The following APAF1 variants were observed in gnomAD, a reference collection of about 807,000 sequenced individuals.
APAF1 encodes apoptotic protease-activating factor 1.
A neutral mutation model predicts 152.4 loss-of-function variants in APAF1; 91 were observed. The ratio of observed to expected loss-of-function variants is 0.60; its 90% CI spans 0.50 to 0.71. The LOEUF (loss-of-function observed/expected upper bound fraction) is 0.71, where lower values mean the gene tolerates loss of function less well. Among genes scored for constraint, APAF1 ranks in the 30% least tolerant of loss-of-function variants. APAF1 has a pLI of 0.00. For missense variants in APAF1, 1,283 were observed against 1,472.0 expected (o/e 0.87, Z 2.10); for synonymous variants, 484 against 494.1 (o/e 0.98, Z 0.27).
chr12:98,726,375 G>A (rs1482122187), intron 25 of APAF1: 3 of 152,366 alleles, frequency 2.0e-5, no homozygotes, highest in African/African-American at 7.2e-5. Context: ...GTATTGGGAT[G>A]ACTACTTTGG....
At chr12:98,707,921 T>C (rs2097723516) in intron 19 of APAF1, among the ~76,000 whole-genome samples, 1 of 152,188 alleles carries the variant, frequency 6.6e-6, no homozygotes, top group East Asian at 1.9e-4. Context: ...TGTTTAGTGA[T>C]GTAGTTGATT....
Position 98,707,692 on chromosome 12 carries a change from C to CTATATATATATATATA in APAF1, c.2722-888_2722-873dup, listed in dbSNP as rs10668292. The stretch of plus-strand genomic sequence containing the variant: ...TATATTCAAGACATTATGCAAAGTA[C>CTATATATATATATATA]TATATATATATATATATATACATAT... On this transcript the variant is annotated intron_variant, in intron 19 of 26. Coordinates refer to ENST00000551964, the MANE Select transcript of APAF1 (RefSeq NM_181861.2). Among the ~76,000 whole-genome samples, 215 of 139,650 alleles carry CTATATATATATATATA rather than the reference C, an allele frequency of 1.5e-3. 3 individuals carry two copies. In the East Asian group the frequency reaches 0.018, roughly 12 times the overall value. The allele number at this position is 139,650 out of a possible 152,430, so 91.6% of individuals were successfully genotyped here.
chr12:98,661,944 A>T (rs557182018), intron 5 of APAF1, among the ~76,000 whole-genome samples: 14 of 152,038 alleles, frequency 9.2e-5, no homozygotes, highest in East Asian at 3.9e-4. Context: ...CAAATTGATT[A>T]AAAAAAACCA....
Position 98,733,627 on chromosome 12 carries a change from T to G in APAF1, c.*1061T>G, listed in dbSNP as rs1252331306. ...TTTAAGTTTTCTTGTAGAGACAGGG[T>G]CTCACTATGTTGTCTAGGCTGGTCT... On this transcript the variant is annotated 3_prime_UTR_variant, in exon 27 of 27. Transcript: ENST00000551964. 6.6e-6 allele frequency: 1 copy of G among 151,936 alleles called. No homozygotes were observed. The highest frequency in any genetic ancestry group is 2.4e-5 in the African/African-American group (1 of 41,308). The allele number at this position is 151,936 out of a possible 1,614,324, so 9.4% of individuals were successfully genotyped here. A position where few individuals can be genotyped will look rare whatever the true frequency, so the allele number is the denominator to read the frequency against.
At chr12:98,724,723 A>G (rs2097747870) in intron 24 of APAF1, among the ~76,000 whole-genome samples, 1 of 137,474 alleles carries the variant, frequency 7.3e-6, no homozygotes, top group African/African-American at 2.5e-5. Context: ...CTGTTCACTA[A>G]CTGTTCGTGA....
rs1555218454 is a variant in APAF1 at position 98,688,646 on chromosome 12, T to TTC, written c.2304+1774_2304+1775insCT. Among the ~76,000 whole-genome samples, 14 of 150,428 alleles carry TTC rather than the reference T, an allele frequency of 9.3e-5. 1 individual carries two copies. The highest frequency in any genetic ancestry group is 3.4e-4 in the African/African-American group (14 of 41,198). On this transcript the variant is annotated intron_variant, in intron 16 of 26. Transcript: ENST00000551964. ...CCATCACACCTGGCGAAATTTTTTTTTTTTTTTTTTTTTTAGAGATAGGAT... is the reference window on the plus strand; with the variant it reads ...CCATCACACCTGGCGAAATTTTTTTTTCTTTTTTTTTTTTTTAGAGATAGGAT...
At chr12:98,668,944 A>G (rs1233678215) in intron 10 of APAF1, among the ~76,000 whole-genome samples, 1 of 152,192 alleles carries the variant, frequency 6.6e-6, no homozygotes, top group African/African-American at 2.4e-5. Flanking sequence ...AGTCATGACT[A>G]CCAAGTAGCT....
At chr12:98,674,340 A>G (rs2097684182) in intron 12 of APAF1, among the ~76,000 whole-genome samples, 1 of 152,160 alleles carries the variant, frequency 6.6e-6, no homozygotes, top group Non-Finnish European at 1.5e-5. Context: ...AAACAATAGT[A>G]ATAGGATGTA....
chr12:98,731,636 C>T (rs2097761718), intron 26 of APAF1, among the ~76,000 whole-genome samples: 1 of 152,170 alleles, frequency 6.6e-6, no homozygotes, highest in South Asian at 2.1e-4. Flanking sequence ...GCCATAGGCA[C>T]AAAGGTGGGT....
At chr12:98,688,765 CTCTTTTCTTTTT>C (rs1404227917) in intron 16 of APAF1, among the ~76,000 whole-genome samples, 3 of 151,484 alleles carry the variant, frequency 2.0e-5, no homozygotes, top group South Asian at 2.1e-4. Context: ...TAGCCTACCA[CTCTTTTCTTTTT>C]TCTTTTCTTT....
At chr12:98,717,341 A>G (rs1193757029) in intron 22 of APAF1, among the ~76,000 whole-genome samples, 1 of 151,252 alleles carries the variant, frequency 6.6e-6, no homozygotes, top group African/African-American at 2.4e-5. Context: ...TAATATATAT[A>G]TAGAAATTAT....
At chr12:98,693,257 G>T (rs1204680178) in intron 16 of APAF1, among the ~76,000 whole-genome samples, 1 of 151,566 alleles carries the variant, frequency 6.6e-6, no homozygotes, top group Admixed American at 6.6e-5. Context: ...AAATGCTGCT[G>T]ATTTTTTTTT....
intron 23 of APAF1, 97 bp from the exon 24 acceptor site, chr12:98,723,542 T>G: frequency 8.1e-7 from 1 of 1,228,122 alleles, no homozygotes; most frequent in Non-Finnish European, 1.2e-6. Context: ...GTATTAAAAC[T>G]CTTGTTTTAT....
intron 26 of APAF1, among the ~76,000 whole-genome samples, chr12:98,728,590 G>A (rs977595574): frequency 2.0e-4 from 31 of 151,928 alleles, no homozygotes; most frequent in Admixed American, 2.0e-3. Context: ...GTTTTGTGGC[G>A]GGCACCTGTA....
At chr12:98,726,018 C>T (rs566104290) in intron 25 of APAF1, among the ~76,000 whole-genome samples, 8 of 152,286 alleles carry the variant, frequency 5.3e-5, no homozygotes, top group African/African-American at 1.9e-4. Context: ...GACTGCCTGC[C>T]TGTTAAACAG....
intron 26 of APAF1, among the ~76,000 whole-genome samples, chr12:98,729,731 A>G (rs1593130020): frequency 6.6e-6 from 1 of 152,346 alleles, no homozygotes; most frequent in East Asian, 1.9e-4. Context: ...AAGGCAGGAT[A>G]AGTGTTTGGA....
intron 5 of APAF1, among the ~76,000 whole-genome samples, chr12:98,661,546 G>A (rs1212247016): frequency 1.3e-5 from 2 of 151,662 alleles, no homozygotes; most frequent in East Asian, 1.9e-4. Context: ...GTGCGATATC[G>A]GTTCACTGCA....
chr12:98,655,414 A>G (rs1376789810), intron 4 of APAF1, among the ~76,000 whole-genome samples: 2 of 146,254 alleles, frequency 1.4e-5, no homozygotes, highest in Non-Finnish European at 3.0e-5. Flanking sequence ...GGCCGGGCAG[A>G]GGCGCCCCTC....
intron 7 of APAF1, among the ~76,000 whole-genome samples, chr12:98,664,162 G>C (rs1484985324): frequency 1.3e-5 from 2 of 151,992 alleles, no homozygotes; most frequent in Non-Finnish European, 2.9e-5. Context: ...GGGATTACAG[G>C]TGCGTGCTAC....
Sources: gnomAD v4.1 joint callset for allele counts (sites outside exome capture counted in the v4.1 genomes callset) on GRCh38, gnomAD v4.1.1 for gene constraint, MANE v1.5 for transcripts, NCBI Gene and HGNC (gene_info 2026-07-23, HGNC 2026-07-21) for gene names.